SHANK2: variants seen among roughly 807,000 people sequenced by gnomAD.
SHANK2 encodes SH3 and multiple ankyrin repeat domains protein 2.
In SHANK2, 43 loss-of-function variants were observed where a neutral mutation model predicts 133.7. That is an observed-to-expected ratio of 0.32 (90% CI 0.25 to 0.41). The LOEUF (loss-of-function observed/expected upper bound fraction) is 0.41. Among genes scored for constraint, SHANK2 ranks in the 10% least tolerant of loss-of-function variants. The pLI, the probability that SHANK2 is intolerant of heterozygous loss-of-function variation, is 1.00. For missense variants in SHANK2, 1,994 were observed against 2,235.8 expected (o/e 0.89, Z 2.18); for synonymous variants, 1,017 against 952.8 (o/e 1.07, Z -1.24).
In SHANK2 at chr11:70,487,593, T is replaced by G. The variant is rs1591490957; in HGVS notation, c.2700A>C (p.Pro900=). 2 of 1,605,996 alleles carry G rather than the reference T, an allele frequency of 1.2e-6. No individual in the cohort carries two copies. The highest frequency in any genetic ancestry group is 2.7e-5 in the African/African-American group (2 of 72,758). ...GGCAGTTGTAAGTGGTTGGGGAAGG[T>G]GGTGGTGGGGACGGGGGCACAGACT... ...PPQSVPPSPP[P]PSPTTYNCPK... Residue 900 remains proline, a synonymous_variant, in exon 25 of 26, where the codon CCA becomes CCC. Transcript: ENST00000601538. This position sits in a 1 kb window ranked among gnomAD's most constrained non-coding sequence, Gnocchi z 5.8.
chr11:71,183,074 A>T (rs1953592139), intron 2 of SHANK2, among the ~76,000 whole-genome samples: 1 of 152,146 alleles, frequency 6.6e-6, no homozygotes, highest in African/African-American at 2.4e-5. Context: ...CCAGGAGGGG[A>T]AATCTCAAAG....
chr11:71,192,307 G>A (rs1555115558), intron 2 of SHANK2, among the ~76,000 whole-genome samples: 1 of 152,186 alleles, frequency 6.6e-6, no homozygotes, highest in East Asian at 1.9e-4. Context: ...TCAGGGAGGG[G>A]ACACAGTGCA....
intron 17 of SHANK2, chr11:70,647,277 C>T (rs1185529661): frequency 6.6e-6 from 1 of 152,252 alleles, no homozygotes; most frequent in Non-Finnish European, 1.5e-5. Context: ...CTGTGCATAA[C>T]TTTTGTTCCT....
chr11:70,903,349 G>A (rs782796003), intron 10 of SHANK2, among the ~76,000 whole-genome samples: 1 of 148,854 alleles, frequency 6.7e-6, no homozygotes, highest in Non-Finnish European at 1.5e-5. Context: ...TGCACTCCAG[G>A]CTGGGTGACA....
In SHANK2 at chr11:71,166,815, A is replaced by G. The variant is rs1555110967; in HGVS notation, c.-12-19477T>C. 3.5e-5 allele frequency among the ~76,000 whole-genome samples: 5 copies of G among 143,032 alleles called. No individual in the cohort carries two copies. In the South Asian group the frequency reaches 1.1e-3, roughly 32 times the overall value. 93.8% of individuals were successfully genotyped at this position (143,032 alleles called of 152,430 possible). On this transcript the variant is annotated intron_variant, in intron 2 of 25. Transcript: ENST00000601538. Reference sequence around the variant, plus strand: ...CTTTTTTTTTTTTTTTTAATTGATCATTCTTGGGTGTTTCTCGCAGAGGGG... The same window carrying G: ...CTTTTTTTTTTTTTTTTAATTGATCGTTCTTGGGTGTTTCTCGCAGAGGGG...
intron 15 of SHANK2, chr11:70,668,034 C>T (rs1944713424): frequency 1.3e-5 from 2 of 152,150 alleles, no homozygotes; most frequent in South Asian, 4.2e-4. Context: ...TGAATACCCA[C>T]TGAGAGTCAG....
chr11:70,878,839 C>T (rs782730651), intron 11 of SHANK2, among the ~76,000 whole-genome samples: 5 of 152,298 alleles, frequency 3.3e-5, no homozygotes, highest in Admixed American at 2.6e-4. Context: ...GAATGCTGAA[C>T]GATTTTGGAG....
intron 17 of SHANK2, among the ~76,000 whole-genome samples, chr11:70,626,068 C>T (rs1402365947): frequency 6.6e-6 from 1 of 152,126 alleles, no homozygotes; most frequent in Non-Finnish European, 1.5e-5. Context: ...CCGTCCCAGC[C>T]TCCCATCCCG....
intron 17 of SHANK2, among the ~76,000 whole-genome samples, chr11:70,530,218 T>G (rs1168408255): frequency 6.6e-6 from 1 of 152,192 alleles, no homozygotes; most frequent in East Asian, 1.9e-4. Flanking sequence ...GGAATATTAC[T>G]CAGCCGTGAA....
At chr11:70,872,905 G>C (rs909966385) in intron 11 of SHANK2, 1 of 427,348 alleles carries the variant, frequency 2.3e-6, no homozygotes, top group African/African-American at 2.0e-5. Context: ...CCAGCTCCTC[G>C]GGGCAGGAGG....
At chr11:70,725,563 C>A (rs995176853) in intron 14 of SHANK2, among the ~76,000 whole-genome samples, 2 of 152,164 alleles carry the variant, frequency 1.3e-5, no homozygotes, top group Non-Finnish European at 2.9e-5. Flanking sequence ...CACTATGGAC[C>A]GAGTCACTTG....
At chr11:70,662,624 G>A (rs1314228969) in intron 15 of SHANK2, among the ~76,000 whole-genome samples, 1 of 152,206 alleles carries the variant, frequency 6.6e-6, no homozygotes, top group Admixed American at 6.5e-5. Flanking sequence ...AACTGGAGGG[G>A]GTATGTGGCT....
intron 17 of SHANK2, among the ~76,000 whole-genome samples, chr11:70,566,787 A>G (rs2059974103): frequency 1.3e-5 from 2 of 152,202 alleles, no homozygotes; most frequent in Admixed American, 6.5e-5. Flanking sequence ...TTTAGTCTCC[A>G]TCATAACCAC....
chr11:70,586,849 G>A (rs1554986872), intron 17 of SHANK2, among the ~76,000 whole-genome samples: 3 of 152,200 alleles, frequency 2.0e-5, no homozygotes, highest in Non-Finnish European at 2.9e-5. Flanking sequence ...AGAGCCTAGA[G>A]ACGCCATCCC....
intron 17 of SHANK2, among the ~76,000 whole-genome samples, chr11:70,644,305 C>T (rs75470077): frequency 1.0e-3 from 153 of 152,256 alleles, no homozygotes; most frequent in African/African-American, 3.4e-3. Context: ...AAACTCTGTC[C>T]CCATTACACA....
Position 70,644,485 on chromosome 11 carries a change from G to A in SHANK2, c.2061+15343C>T, listed in dbSNP as rs949835640. 4.6e-5 allele frequency among the ~76,000 whole-genome samples: 7 copies of A among 152,200 alleles called. No individual in the cohort carries two copies. The South Asian group carries it at 6.2e-4, about 14-fold the overall frequency. On this transcript the variant is annotated intron_variant, in intron 17 of 25. Transcript: ENST00000601538. ...CCTGGCATCTGTCCATCTGCTTCCC[G>A]ATGGGTCCCAGGCTGGATACCTCCA...
chr11:70,853,296 C>G (rs1326563797), intron 11 of SHANK2, among the ~76,000 whole-genome samples: 1 of 152,200 alleles, frequency 6.6e-6, no homozygotes, highest in Admixed American at 6.5e-5. Flanking sequence ...GCGCCTCCCA[C>G]GGGCCCTGGA....
chr11:71,059,863 G>A (rs1202595800), intron 9 of SHANK2, among the ~76,000 whole-genome samples: 2 of 152,170 alleles, frequency 1.3e-5, no homozygotes, highest in Non-Finnish European at 2.9e-5. Flanking sequence ...CTGCATGCTT[G>A]GGGGTGCACT....
chr11:70,514,252 T>TA (rs112770518), intron 17 of SHANK2, among the ~76,000 whole-genome samples: 11 of 151,984 alleles, frequency 7.2e-5, no homozygotes, highest in African/African-American at 9.6e-5. Flanking sequence ...CAGGTGAAAG[T>TA]AAAAAAAACA....
Sources: allele counts gnomAD v4.1 joint callset (sites outside exome capture counted in the v4.1 genomes callset), GRCh38; gene constraint gnomAD v4.1.1; non-coding constraint Gnocchi (gnomAD v3.1); transcripts MANE v1.5; gene names NCBI Gene and HGNC (gene_info 2026-07-23, HGNC 2026-07-21).